NME9: variants seen among roughly 807,000 people sequenced by gnomAD.
NME9 encodes NME/NM23 family member 9, also known as thioredoxin domain-containing protein 6.
A neutral mutation model predicts 44.4 loss-of-function variants in NME9; 48 were observed. The observed-to-expected ratio is 1.08, with a 90% confidence interval of 0.86 to 1.37. The LOEUF (loss-of-function observed/expected upper bound fraction) is 1.37, where lower values mean the gene tolerates loss of function less well. Among genes scored for constraint, NME9 ranks in the 40% most tolerant of loss-of-function variants. The pLI, the probability that NME9 is intolerant of heterozygous loss-of-function variation, is 0.00. For missense variants in NME9, 325 were observed against 405.2 expected (o/e 0.80, Z 1.70); for synonymous variants, 139 against 147.1 (o/e 0.94, Z 0.40).
chr3:138,268,165 C>G (rs531996711), intron 8 of NME9, among the ~76,000 whole-genome samples: 18 of 152,224 alleles, frequency 1.2e-4, no homozygotes, highest in Non-Finnish European at 2.1e-4. Flanking sequence ...ATCACTTGAA[C>G]CCGGGAGGCA....
At chr3:138,292,214 A>G (rs1181633661) in intron 8 of NME9, among the ~76,000 whole-genome samples, 1 of 151,656 alleles carries the variant, frequency 6.6e-6, no homozygotes, top group Non-Finnish European at 1.5e-5. Flanking sequence ...ATTTTTTTGT[A>G]TTTTTAGTAG....
chr3:138,288,635 C>CTTTT (rs547726493), intron 8 of NME9, among the ~76,000 whole-genome samples: 2 of 109,676 alleles, frequency 1.8e-5, no homozygotes, highest in African/African-American at 3.1e-5. Flanking sequence ...CTTCTTCAGA[C>CTTTT]TTTTTTTTTT....
chr3:138,306,158 T>C, intron 7 of NME9, 62 bp from the exon 8 acceptor site: 1 of 1,229,350 alleles, frequency 8.1e-7, no homozygotes, highest in Non-Finnish European at 1.2e-6. Context: ...ATTGATTAAT[T>C]AATTTAGTTG....
chr3:138,314,247 T>C, intron 6 of NME9, 85 bp downstream of exon 6: 1 of 733,124 alleles, frequency 1.4e-6, no homozygotes, highest in South Asian at 2.2e-5. Context: ...GATTGCTCAG[T>C]AAACTGAATA....
chr3:138,329,524 A>G lies in NME9; in HGVS notation c.-189T>C, dbSNP rs1486209866. The G allele has an allele frequency of 5.1e-6, 7 of 1,370,634 alleles. No homozygotes were observed. In the African/African-American group the frequency reaches 7.5e-5, roughly 15 times the overall value. 84.9% of individuals were successfully genotyped at this position (1,370,634 alleles called of 1,614,324 possible). A position where few individuals can be genotyped will look rare whatever the true frequency, so the allele number is the denominator to read the frequency against. On this transcript the variant is annotated 5_prime_UTR_variant, in exon 1 of 11. Transcript: ENST00000333911. ...ATCAGCACACTGATACAAAGTGAAC[A>G]CCCCGCGAGGAAGCGGAGCCTGCAG...
At chr3:138,290,496 A>T in intron 8 of NME9, 1 of 1,332,950 alleles carries the variant, frequency 7.5e-7, no homozygotes, top group Non-Finnish European at 1.1e-6. Context: ...TACATCAAAG[A>T]GAGCATTTGC....
At chr3:138,279,518 CT>C (rs1168653506) in intron 8 of NME9, among the ~76,000 whole-genome samples, 2 of 152,024 alleles carry the variant, frequency 1.3e-5, no homozygotes, top group Non-Finnish European at 2.9e-5. Flanking sequence ...TTAATAATGT[CT>C]TTTTCTGGTT....
chr3:138,272,106 A>G (rs1269705106), intron 8 of NME9, among the ~76,000 whole-genome samples: 1 of 152,234 alleles, frequency 6.6e-6, no homozygotes, highest in African/African-American at 2.4e-5. Context: ...CAAAATAGCT[A>G]CTAGCCACCC....
At chr3:138,280,639 G>A (rs372198268) in intron 8 of NME9, among the ~76,000 whole-genome samples, 3 of 151,774 alleles carry the variant, frequency 2.0e-5, no homozygotes, top group South Asian at 2.1e-4. Context: ...GATTATAGGC[G>A]CCTGCCACCA....
At chr3:138,321,875 G>C (rs2053485043) in intron 2 of NME9, among the ~76,000 whole-genome samples, 1 of 151,764 alleles carries the variant, frequency 6.6e-6, no homozygotes, top group African/African-American at 2.4e-5. Context: ...GAAGGGGAAA[G>C]GAGAACAAAC....
intron 8 of NME9, among the ~76,000 whole-genome samples, chr3:138,267,716 T>G (rs2048401573): frequency 2.0e-5 from 3 of 152,208 alleles, no homozygotes; most frequent in Admixed American, 1.3e-4. Context: ...TTCTGCATTT[T>G]ATAAAATATT....
At chr3:138,262,681 ATT>A in intron 8 of NME9, 2 of 1,235,552 alleles carry the variant, frequency 1.6e-6, no homozygotes, top group Non-Finnish European at 2.1e-6. Context: ...TGGACATAGG[ATT>A]AAAAAAAAAA....
chr3:138,325,317 T>G (rs2053712072), intron 1 of NME9, among the ~76,000 whole-genome samples: 1 of 152,200 alleles, frequency 6.6e-6, no homozygotes, highest in Non-Finnish European at 1.5e-5. Context: ...CATTTTTTTC[T>G]TATCCACACA....
intron 8 of NME9, 159 bp downstream of exon 8, chr3:138,305,845 A>G: frequency 1.6e-6 from 1 of 610,174 alleles, no homozygotes; most frequent in South Asian, 2.3e-5. Flanking sequence ...TACCTGATAC[A>G]GCCTATTGTC....
chr3:138,303,757 T>C, intron 9 of NME9, 114 bp from the exon 10 acceptor site: 1 of 894,222 alleles, frequency 1.1e-6, no homozygotes. Context: ...TCCTGTGAAA[T>C]TGATTTCTCT....
At chr3:138,296,133 C>G (rs1195227540), downstream of NME9, 1 of 452,250 alleles carries the variant, frequency 2.2e-6, no homozygotes, top group Non-Finnish European at 3.9e-6. Flanking sequence ...TACTCGGACT[C>G]TTTATTAGAA....
intron 1 of NME9, among the ~76,000 whole-genome samples, chr3:138,326,521 C>G (rs2053796693): frequency 6.6e-6 from 1 of 152,064 alleles, no homozygotes; most frequent in Admixed American, 6.5e-5. Flanking sequence ...GCAACCTCTG[C>G]CTCCTGGGTT....
At chr3:138,277,099 A>T (rs2049366979) in intron 8 of NME9, among the ~76,000 whole-genome samples, 1 of 152,210 alleles carries the variant, frequency 6.6e-6, no homozygotes, top group South Asian at 2.1e-4. Flanking sequence ...AATGGAACAG[A>T]CTAGAGAGTC....
At chr3:138,284,747 C>G (rs1314469026) in intron 8 of NME9, among the ~76,000 whole-genome samples, 1 of 152,160 alleles carries the variant, frequency 6.6e-6, no homozygotes, top group Non-Finnish European at 1.5e-5. Flanking sequence ...CAGTCGACTC[C>G]CTGCCCTTGT....
Sources: allele counts gnomAD v4.1 joint callset (sites outside exome capture counted in the v4.1 genomes callset), GRCh38; gene constraint gnomAD v4.1.1; transcripts MANE v1.5; gene names NCBI Gene and HGNC (gene_info 2026-07-23, HGNC 2026-07-21).